LRRTM4: variants seen among roughly 807,000 people sequenced by gnomAD.
LRRTM4 encodes leucine rich repeat transmembrane neuronal 4, also known as leucine-rich repeat transmembrane neuronal protein 4.
LRRTM4 carries 25 observed loss-of-function variants against 47.6 expected under a neutral mutation model. That is an observed-to-expected ratio of 0.53 (90% CI 0.38 to 0.73). The LOEUF is 0.73. Ranked by LOEUF, LRRTM4 falls within the 30% of genes least tolerant of loss-of-function variation. The probability of loss-of-function intolerance (pLI) is 0.00; values close to 1 mark genes in which losing one functional copy is unlikely to be tolerated. For synonymous variants in LRRTM4, 311 were observed against 269.5 expected (o/e 1.15, Z -1.51); for missense variants, 638 against 713.4 (o/e 0.89, Z 1.20).
intron 3 of LRRTM4, among the ~76,000 whole-genome samples, chr2:76,968,400 A>G (rs1337927148): frequency 6.9e-6 from 1 of 144,546 alleles, no homozygotes; most frequent in Non-Finnish European, 1.5e-5. Flanking sequence ...ACATACATAC[A>G]TATATATGTA....
chr2:77,310,839 T>C (rs1333343318), intron 3 of LRRTM4, among the ~76,000 whole-genome samples: 2 of 152,078 alleles, frequency 1.3e-5, no homozygotes, highest in East Asian at 3.9e-4. Context: ...CAATATTCTG[T>C]GATGTCATAT....
chr2:76,879,700 A>G (rs1010679597), intron 3 of LRRTM4, among the ~76,000 whole-genome samples: 3 of 152,234 alleles, frequency 2.0e-5, no homozygotes, highest in African/African-American at 7.2e-5. Context: ...TTGTAAGCCT[A>G]TAGCTGCCAT....
chr2:77,112,017 A>G (rs4853296), intron 3 of LRRTM4, among the ~76,000 whole-genome samples: 54,716 of 151,984 alleles, frequency 0.36, 11,045 homozygotes, highest in Middle Eastern at 0.45. Flanking sequence ...GGACTACTGT[A>G]CTGAGAGATT....
intron 3 of LRRTM4, among the ~76,000 whole-genome samples, chr2:77,410,982 G>A (rs903463619): frequency 3.9e-5 from 6 of 152,124 alleles, no homozygotes; most frequent in Admixed American, 6.5e-5. Context: ...TGTAACAGAT[G>A]GACCCAACGA....
chr2:77,488,556 C>G (rs1678016614), intron 3 of LRRTM4, among the ~76,000 whole-genome samples: 1 of 152,136 alleles, frequency 6.6e-6, no homozygotes, highest in Admixed American at 6.5e-5. Flanking sequence ...CAAGGTGACA[C>G]CCAAGGATCC....
intron 3 of LRRTM4, among the ~76,000 whole-genome samples, chr2:76,812,335 A>C (rs893753839): frequency 6.6e-6 from 1 of 152,170 alleles, no homozygotes; most frequent in African/African-American, 2.4e-5. Flanking sequence ...CAGAATGAAA[A>C]CTTCATTGAG....
Position 77,236,117 on chromosome 2 carries a change from T to C in LRRTM4, c.1551+282201A>G, listed in dbSNP as rs575534136. Among the ~76,000 whole-genome samples, 5 of 152,266 alleles carry C rather than the reference T, an allele frequency of 3.3e-5. No individual in the cohort carries two copies. The South Asian group carries it at 1.0e-3, about 32-fold the overall frequency. On this transcript the variant is annotated intron_variant, in intron 3 of 3. Coordinates refer to ENST00000409884, the MANE Select transcript of LRRTM4 (RefSeq NM_001134745.3). ...CTGTAGATTGCTTTGGGCAGTATGG[T>C]CATTGTAATGACATTGATTCTTCTA...
chr2:77,067,187 C>CT (rs901101342), intron 3 of LRRTM4, among the ~76,000 whole-genome samples: 7 of 152,076 alleles, frequency 4.6e-5, no homozygotes, highest in African/African-American at 1.4e-4. Context: ...CTTAACATCA[C>CT]TTTTTTTTCT....
At chr2:77,385,529 T>A (rs2103801553) in intron 3 of LRRTM4, among the ~76,000 whole-genome samples, 1 of 152,212 alleles carries the variant, frequency 6.6e-6, no homozygotes, top group Admixed American at 6.5e-5. Flanking sequence ...CTGATGAGGT[T>A]TAAAATAGTA....
At chr2:76,796,922 A>T (rs1385505331) in intron 3 of LRRTM4, among the ~76,000 whole-genome samples, 2 of 152,070 alleles carry the variant, frequency 1.3e-5, no homozygotes, top group African/African-American at 4.8e-5. Flanking sequence ...AGAAAAAAGA[A>T]TAAAAAGAAA....
chr2:76,797,854 CAA>C (rs1465574973), intron 3 of LRRTM4, among the ~76,000 whole-genome samples: 1 of 151,580 alleles, frequency 6.6e-6, no homozygotes, highest in Non-Finnish European at 1.5e-5. Flanking sequence ...CAACAAAGAT[CAA>C]AAGAGACAGT....
intron 3 of LRRTM4, among the ~76,000 whole-genome samples, chr2:76,831,484 T>C (rs1178335651): frequency 6.6e-6 from 1 of 152,158 alleles, no homozygotes; most frequent in East Asian, 1.9e-4. Context: ...TAATGTTTCC[T>C]GATTACTCTA....
At chr2:77,378,978 T>A (rs1558715818) in intron 3 of LRRTM4, among the ~76,000 whole-genome samples, 1 of 152,156 alleles carries the variant, frequency 6.6e-6, no homozygotes, top group Non-Finnish European at 1.5e-5. Flanking sequence ...TGAAAATGTT[T>A]TTTGTTCATT....
intron 3 of LRRTM4, among the ~76,000 whole-genome samples, chr2:76,766,639 G>C (rs140699566): frequency 6.6e-6 from 1 of 152,320 alleles, no homozygotes; most frequent in African/African-American, 2.4e-5. Flanking sequence ...GCCAATAGGA[G>C]AGGTAGTATT....
At chr2:77,019,619 C>T (rs1378114403) in intron 3 of LRRTM4, among the ~76,000 whole-genome samples, 2 of 152,102 alleles carry the variant, frequency 1.3e-5, no homozygotes, top group African/African-American at 4.8e-5. Flanking sequence ...ATTATTAACA[C>T]TGCTAACCAA....
intron 3 of LRRTM4, among the ~76,000 whole-genome samples, chr2:76,865,038 G>A (rs1672427758): frequency 6.6e-6 from 1 of 151,832 alleles, no homozygotes; most frequent in Non-Finnish European, 1.5e-5. Context: ...CATTATTGAA[G>A]GAGAAAACCA....
chr2:76,811,718 C>T (rs1670739689), intron 3 of LRRTM4, among the ~76,000 whole-genome samples: 1 of 152,092 alleles, frequency 6.6e-6, no homozygotes, highest in Middle Eastern at 3.2e-3. Flanking sequence ...AGAAGGGTCC[C>T]ATGTTTGCTC....
At chr2:76,971,525 C>A (rs752895806) in intron 3 of LRRTM4, among the ~76,000 whole-genome samples, 1 of 152,004 alleles carries the variant, frequency 6.6e-6, no homozygotes, top group Non-Finnish European at 1.5e-5. Flanking sequence ...GGGTGTCTGT[C>A]TCACAGGATA....
chr2:77,005,163 G>A (rs1025093418), intron 3 of LRRTM4, among the ~76,000 whole-genome samples: 1 of 151,966 alleles, frequency 6.6e-6, no homozygotes, highest in African/African-American at 2.4e-5. Flanking sequence ...TTGTTTCTTT[G>A]AGACAGAGTC....
Sources: gnomAD v4.1 joint callset for allele counts (sites outside exome capture counted in the v4.1 genomes callset) on GRCh38, gnomAD v4.1.1 for gene constraint, MANE v1.5 for transcripts, NCBI Gene and HGNC (gene_info 2026-07-23, HGNC 2026-07-21) for gene names.